The following SPEF2 variants were observed in gnomAD, a reference collection of about 807,000 sequenced individuals.
SPEF2 encodes the protein sperm flagellar and cilia associated 2.
In SPEF2, 187 loss-of-function variants were observed where a neutral mutation model predicts 224.6. The observed-to-expected ratio is 0.83, with a 90% CI of 0.74 to 0.94. SPEF2 has a LOEUF of 0.94. Ranked by LOEUF, SPEF2 falls within the 40% of genes least tolerant of loss-of-function variation. The pLI, the probability that SPEF2 is intolerant of heterozygous loss-of-function variation, is 0.00. For synonymous variants in SPEF2, 715 were observed against 707.3 expected, an observed-to-expected ratio of 1.01 and a Z score of -0.17; for missense variants, 2,170 against 2,135.6, an observed-to-expected ratio of 1.02 and a Z score of -0.32.
chr5:35,751,052 T>TACGTATATACATACGTATATAC (rs1749455352), intron 23 of SPEF2, among the ~76,000 whole-genome samples: 1 of 57,514 alleles, frequency 1.7e-5, no homozygotes, highest in Admixed American at 2.3e-4. Context: ...TGTATATATA[T>TACGTATATACATACGTATATAC]ATACGTATAT....
intron 29 of SPEF2, among the ~76,000 whole-genome samples, chr5:35,777,377 A>G (rs759126615): frequency 6.6e-6 from 1 of 152,124 alleles, no homozygotes; most frequent in Non-Finnish European, 1.5e-5. Flanking sequence ...AGCTTACTGC[A>G]GTAATGCTTA....
rs1223504768 is a variant in SPEF2 at position 35,740,949 on chromosome 5, AAC to A, written c.3330+684_3330+685del. The stretch of plus-strand genomic sequence containing the variant: ...GCCACTACCTTAAGTATAGATTACT[AAC>A]AGTCAAAACTGATTATAACCTAAAT... On this transcript the variant is annotated intron_variant, in intron 23 of 36. Transcript: ENST00000356031. Among the ~76,000 whole-genome samples the A allele has an allele frequency of 2.6e-5, 4 of 152,314 alleles. No individual in the cohort carries two copies. The East Asian group carries it at 7.7e-4, about 29-fold the overall frequency.
chr5:35,670,197 G>A lies in SPEF2; in HGVS notation c.1494G>A (p.Leu498=). 3 of 1,611,202 alleles carry A rather than the reference G, an allele frequency of 1.9e-6. No individual in the cohort carries two copies. The highest frequency in any genetic ancestry group is 2.5e-6 in the Non-Finnish European group (3 of 1,178,296). Residue 498 remains leucine (L), a synonymous_variant, in exon 10 of 37, where the codon TTG becomes TTA. Transcript: ENST00000356031. ...TTACAGAACTGGAGAAAAGGGACTT[G>A]CTAGATACCAATGATTATGAAGAAT... ...EQLTELEKRD[L]LDTNDYEEYK...
chr5:35,786,746 A>G (rs1176224432), intron 30 of SPEF2, among the ~76,000 whole-genome samples: 2 of 152,198 alleles, frequency 1.3e-5, no homozygotes, highest in East Asian at 3.8e-4. Flanking sequence ...CAAGGTTTTC[A>G]GTTAAAAGGG....
intron 20 of SPEF2, among the ~76,000 whole-genome samples, chr5:35,724,530 T>C (rs530227763): frequency 6.6e-6 from 1 of 152,270 alleles, no homozygotes; most frequent in Non-Finnish European, 1.5e-5. Context: ...CATTTATCAA[T>C]ATGAACTACA....
At chr5:35,760,534 C>T (rs1206020050) in intron 25 of SPEF2, among the ~76,000 whole-genome samples, 5 of 151,944 alleles carry the variant, frequency 3.3e-5, no homozygotes, top group Non-Finnish European at 4.4e-5. Context: ...TGATAATGAC[C>T]TTATGAGAGT....
chr5:35,652,289 T>C (rs1255961881), intron 6 of SPEF2, among the ~76,000 whole-genome samples: 3 of 152,190 alleles, frequency 2.0e-5, no homozygotes, highest in South Asian at 4.1e-4. Context: ...AAGTATATTA[T>C]TGACAGCATA....
At chr5:35,779,087 G>A (rs1267958868) in intron 29 of SPEF2, 30 bp from the exon 30 acceptor site, 4 of 1,536,368 alleles carry the variant, frequency 2.6e-6, no homozygotes, top group South Asian at 1.2e-5. Flanking sequence ...TCTTTCATGG[G>A]GTTAACGCTA....
chr5:35,638,098 G>T (rs1746091187), intron 2 of SPEF2, among the ~76,000 whole-genome samples: 1 of 152,084 alleles, frequency 6.6e-6, no homozygotes, highest in Non-Finnish European at 1.5e-5. Flanking sequence ...ATGAGGTTAG[G>T]GGTATTAGGT....
intron 24 of SPEF2, among the ~76,000 whole-genome samples, chr5:35,754,732 G>A (rs2149732024): frequency 6.6e-6 from 1 of 152,320 alleles, no homozygotes; most frequent in South Asian, 2.1e-4. Flanking sequence ...TAACAAAAGG[G>A]AGGTGGGCCC....
chr5:35,774,354 G>A (rs765077231), intron 28 of SPEF2, among the ~76,000 whole-genome samples: 2 of 152,190 alleles, frequency 1.3e-5, no homozygotes, highest in Admixed American at 6.5e-5. Context: ...AATGTTGAAA[G>A]TTCGTATGAT....
chr5:35,681,308 A>G (rs985143453), intron 10 of SPEF2, among the ~76,000 whole-genome samples: 9 of 152,216 alleles, frequency 5.9e-5, no homozygotes, highest in African/African-American at 1.9e-4. Flanking sequence ...GATCTAGCAT[A>G]TGAGTGAACT....
Position 35,704,605 on chromosome 5 carries a change from C to G in SPEF2, c.2450C>G (p.Ala817Gly), listed in dbSNP as rs1399550573. ...CACGAAGATATCAGTCAACGTGTAG[C>G]TGCTGAAAACCAAGATAAGGATGGA... The part of the protein sequence containing the change: ...TAHEDISQRV[A>G]AENQDKDGDQ... The change falls in exon 17 of 37, where the codon GCT becomes GGT. Residue 817 changes from alanine to glycine, a missense_variant. Physicochemically the swap from Ala to Gly is moderately conservative, Grantham distance 60. Coordinates refer to ENST00000356031, the MANE Select transcript of SPEF2 (RefSeq NM_024867.4). 1 of 1,612,982 alleles carries G rather than the reference C, an allele frequency of 6.2e-7. No individual in the cohort carries two copies. The highest frequency in any genetic ancestry group is 1.1e-5 in the South Asian group (1 of 90,954).
chr5:35,647,249 C>T (rs989042078), intron 5 of SPEF2, among the ~76,000 whole-genome samples: 1 of 150,194 alleles, frequency 6.7e-6, no homozygotes, highest in Non-Finnish European at 1.5e-5. Flanking sequence ...TGGTGAGGGC[C>T]TTAGTAAGGA....
At chr5:35,765,645 T>G (rs2149766278) in intron 26 of SPEF2, among the ~76,000 whole-genome samples, 1 of 152,280 alleles carries the variant, frequency 6.6e-6, no homozygotes, top group South Asian at 2.1e-4. Context: ...CAATATACCA[T>G]TTATTTGTTA....
At chr5:35,805,758 T>A (rs1046562851) in intron 34 of SPEF2, among the ~76,000 whole-genome samples, 12 of 152,142 alleles carry the variant, frequency 7.9e-5, no homozygotes, top group Non-Finnish European at 7.4e-5. Flanking sequence ...CTGCTTTCCA[T>A]TTTCATCAAT....
At chr5:35,723,553 A>T (rs1267416757) in intron 20 of SPEF2, among the ~76,000 whole-genome samples, 2 of 152,190 alleles carry the variant, frequency 1.3e-5, no homozygotes, top group African/African-American at 4.8e-5. Flanking sequence ...CTGGTGTATT[A>T]TTTATAATAT....
intron 35 of SPEF2, 61 bp from the exon 36 acceptor site, chr5:35,807,069 AT>A (rs1366202495): frequency 1.0e-4 from 163 of 1,568,150 alleles, no homozygotes; most frequent in East Asian, 2.5e-4. Context: ...AAATACAACC[AT>A]TTTTTTTAAC....
chr5:35,692,088 G>A (rs980143771), intron 11 of SPEF2, among the ~76,000 whole-genome samples: 4 of 151,616 alleles, frequency 2.6e-5, no homozygotes, highest in South Asian at 2.1e-4. Flanking sequence ...ATGAGCCACC[G>A]TGCCCAGCCT....
Sources: gnomAD v4.1 joint callset for allele counts (sites outside exome capture counted in the v4.1 genomes callset) on GRCh38, gnomAD v4.1.1 for gene constraint, MANE v1.5 for transcripts, NCBI Gene and HGNC (gene_info 2026-07-23, HGNC 2026-07-21) for gene names.